AGBL4: variants seen among roughly 807,000 people sequenced by gnomAD.
AGBL4 encodes the protein AGBL carboxypeptidase 4, also known as cytosolic carboxypeptidase 6.
In AGBL4, 58 loss-of-function variants were observed where a neutral mutation model predicts 66.4. That is an observed-to-expected ratio of 0.87 (90% CI 0.71 to 1.09). The LOEUF (loss-of-function observed/expected upper bound fraction) is 1.09. Ranked by LOEUF, AGBL4 falls within the 50% of genes least tolerant of loss-of-function variation. The pLI is 0.00. For missense variants in AGBL4, 579 were observed against 631.0 expected (o/e 0.92, Z 0.88); for synonymous variants, 234 against 222.9 (o/e 1.05, Z -0.44).
At chr1:49,843,799 T>C (rs973908010) in intron 2 of AGBL4, among the ~76,000 whole-genome samples, 1 of 152,036 alleles carries the variant, frequency 6.6e-6, no homozygotes, top group African/African-American at 2.4e-5. Context: ...CACTGAAGTA[T>C]AACAATATGG....
At chr1:49,739,278 T>C (rs1182372990) in intron 2 of AGBL4, among the ~76,000 whole-genome samples, 1 of 152,124 alleles carries the variant, frequency 6.6e-6, no homozygotes, top group Non-Finnish European at 1.5e-5. Context: ...CAGTAGCTGA[T>C]TCGATCAACT....
intron 4 of AGBL4, among the ~76,000 whole-genome samples, chr1:49,088,959 C>T (rs1644954698): frequency 6.6e-6 from 1 of 151,694 alleles, no homozygotes; most frequent in South Asian, 2.1e-4. Context: ...TTCTCAAAAC[C>T]ATACAATTAC....
intron 4 of AGBL4, among the ~76,000 whole-genome samples, chr1:49,117,372 A>G (rs942491834): frequency 2.6e-5 from 4 of 152,296 alleles, no homozygotes; most frequent in Non-Finnish European, 4.4e-5. Context: ...TTAAGTCTTC[A>G]ATCCATCTTG....
chr1:49,638,944 A>G (rs1275263595), intron 3 of AGBL4, among the ~76,000 whole-genome samples: 1 of 152,170 alleles, frequency 6.6e-6, no homozygotes, highest in East Asian at 1.9e-4. Context: ...CTTGAGGTCT[A>G]GCTAAGACCT....
At chr1:49,168,504 CTTAG>C (rs1478824557) in intron 4 of AGBL4, among the ~76,000 whole-genome samples, 1 of 152,150 alleles carries the variant, frequency 6.6e-6, no homozygotes, top group Non-Finnish European at 1.5e-5. Flanking sequence ...AAGGGTTTAT[CTTAG>C]TTAGAGTGAG....
intron 1 of AGBL4, chr1:49,995,785 T>C (rs1422145546): frequency 1.3e-5 from 2 of 153,564 alleles, no homozygotes; most frequent in African/African-American, 4.8e-5. Context: ...CCTCACAGAG[T>C]CCACTTCACT....
intron 4 of AGBL4, among the ~76,000 whole-genome samples, chr1:49,234,436 A>G (rs1302652754): frequency 6.6e-6 from 1 of 152,212 alleles, no homozygotes; most frequent in Non-Finnish European, 1.5e-5. Context: ...GGGAAAAAGG[A>G]GAAGTGAACT....
At chr1:49,174,336 T>C (rs1374423988) in intron 4 of AGBL4, among the ~76,000 whole-genome samples, 1 of 152,100 alleles carries the variant, frequency 6.6e-6, no homozygotes, top group Non-Finnish European at 1.5e-5. Context: ...AAATAATTTA[T>C]CAATTCTAAA....
intron 5 of AGBL4, among the ~76,000 whole-genome samples, chr1:48,920,851 G>A (rs1243602146): frequency 1.3e-5 from 2 of 152,118 alleles, no homozygotes; most frequent in Non-Finnish European, 2.9e-5. Flanking sequence ...TGTGGTAGTG[G>A]CAACAGAACT....
At chr1:49,562,884 ATAAAT>A (rs375782441) in intron 3 of AGBL4, among the ~76,000 whole-genome samples, 7,390 of 152,170 alleles carry the variant, frequency 0.049, 561 homozygotes, top group African/African-American at 0.16. Flanking sequence ...CATTGAATCT[ATAAAT>A]TACCTTGGGC....
intron 11 of AGBL4, among the ~76,000 whole-genome samples, chr1:48,544,500 A>G (rs1644127965): frequency 6.6e-6 from 1 of 152,200 alleles, no homozygotes; most frequent in African/African-American, 2.4e-5. Flanking sequence ...ATTGTAGTAC[A>G]TGACCTTGCC....
At chr1:49,763,798 T>C (rs775190350) in intron 2 of AGBL4, among the ~76,000 whole-genome samples, 3 of 152,182 alleles carry the variant, frequency 2.0e-5, no homozygotes, top group Non-Finnish European at 2.9e-5. Flanking sequence ...AGGCCATGGA[T>C]ACCTGAGCAG....
At chr1:49,842,148 C>G (rs886897213) in intron 2 of AGBL4, 1 of 389,518 alleles carries the variant, frequency 2.6e-6, no homozygotes, top group Non-Finnish European at 4.9e-6. Flanking sequence ...GAAAGGACCA[C>G]CCACACTGCA....
chr1:48,609,628 G>T (rs1249141902), intron 9 of AGBL4, among the ~76,000 whole-genome samples: 2 of 152,126 alleles, frequency 1.3e-5, no homozygotes, highest in African/African-American at 4.8e-5. Context: ...TTGCTATGTT[G>T]CCTAGGCTGG....
chr1:49,031,102 T>A (rs897031162), intron 5 of AGBL4, among the ~76,000 whole-genome samples: 8 of 152,104 alleles, frequency 5.3e-5, no homozygotes, highest in Admixed American at 2.0e-4. Context: ...TGTTTCTTTG[T>A]CTTTTGAAAC....
chr1:48,608,352 A>T (rs1472745084), intron 9 of AGBL4, among the ~76,000 whole-genome samples: 1 of 152,240 alleles, frequency 6.6e-6, no homozygotes, highest in Non-Finnish European at 1.5e-5. Flanking sequence ...CTTCTAAGCC[A>T]TCTAGAGACG....
intron 3 of AGBL4, among the ~76,000 whole-genome samples, chr1:49,395,950 T>C (rs1644964896): frequency 6.7e-6 from 1 of 150,182 alleles, no homozygotes; most frequent in Non-Finnish European, 1.5e-5. Context: ...CCCTCTCAAC[T>C]GGAAGAAGGT....
chr1:49,250,440 ATTTTTTTT>A (rs1242148895), intron 3 of AGBL4, among the ~76,000 whole-genome samples: 1 of 122,714 alleles, frequency 8.1e-6, no homozygotes, highest in South Asian at 2.8e-4. Context: ...ACAGGAACTA[ATTTTTTTT>A]TTTTTTTTTT....
At chr1:48,528,418 T>C (rs535752002), downstream of AGBL4, among the ~76,000 whole-genome samples, 15 of 152,234 alleles carry the variant, frequency 9.9e-5, no homozygotes, top group Admixed American at 5.2e-4. Context: ...CAGCTAAAAA[T>C]AGATCCCAGG....
Sources: gnomAD v4.1 joint callset for allele counts (sites outside exome capture counted in the v4.1 genomes callset) on GRCh38, gnomAD v4.1.1 for gene constraint, MANE v1.5 for transcripts, NCBI Gene and HGNC (gene_info 2026-07-23, HGNC 2026-07-21) for gene names.